Variants in POLD2 observed in about 807,000 individuals in gnomAD.
POLD2 encodes the protein DNA polymerase delta subunit 2.
POLD2 carries 31 observed loss-of-function variants against 48.8 expected under a neutral mutation model. The observed-to-expected ratio is 0.64, with a 90% CI of 0.48 to 0.86. POLD2 has a LOEUF of 0.86. Among genes scored for constraint, POLD2 ranks in the 40% least tolerant of loss-of-function variants. The pLI, the probability that POLD2 is intolerant of heterozygous loss-of-function variation, is 0.00. For synonymous variants in POLD2, 233 were observed against 256.3 expected, an observed-to-expected ratio of 0.91 and a Z score of 0.87; for missense variants, 455 against 610.1, an observed-to-expected ratio of 0.75 and a Z score of 2.68.
upstream of POLD2, chr7:44,123,575 A>ATCCCCGCGCGGCT: frequency 6.8e-7 from 1 of 1,464,854 alleles, no homozygotes. Context: ...CAACTCGCTA[A>ATCCCCGCGCGGCT]TCCCCGCGCG....
intron 9 of POLD2, 158 bp from the exon 10 acceptor site, chr7:44,115,554 T>C: frequency 1.4e-6 from 1 of 718,624 alleles, no homozygotes; most frequent in Non-Finnish European, 2.3e-6. Context: ...ACCTTGGCCC[T>C]GCTGTTGCTG....
At position 44,115,368 on chromosome 7, in the gene POLD2, C is replaced by A. The variant is rs143498663; in HGVS notation, c.1176G>T (p.Pro392=). ...LGCYPFYKTD[P]FIFPECPHVY... ...CATGCGGGCACTCTGGGAAGATGAA[C>A]GGGTCAGTTTTGTAGAAGGGGTAAC... Residue 392 remains proline (P), a synonymous_variant, in exon 10 of 11, where the codon CCG becomes CCT. Coordinates refer to ENST00000610533, the MANE Select transcript of POLD2 (RefSeq NM_006230.4). The A allele has an allele frequency of 1.9e-6, 3 of 1,613,740 alleles. No individual in the cohort carries two copies. The highest frequency in any genetic ancestry group is 8.5e-7 in the Non-Finnish European group (1 of 1,179,638).
intron 1 of POLD2, 156 bp downstream of exon 1, chr7:44,123,355 C>G (rs2096250900): frequency 7.2e-7 from 1 of 1,396,606 alleles, no homozygotes. Flanking sequence ...CGAGAGCGCC[C>G]TGGGGGCTGT....
intron 1 of POLD2, 65 bp downstream of exon 1, chr7:44,123,446 G>A (rs965870425): frequency 2.7e-6 from 4 of 1,492,232 alleles, no homozygotes; most frequent in Non-Finnish European, 3.5e-6. Flanking sequence ...ACCGACCCAG[G>A]AGCCCGGCCT....
At chr7:44,119,009 C>G (rs1335029636) in intron 2 of POLD2, among the ~76,000 whole-genome samples, 5 of 148,038 alleles carry the variant, frequency 3.4e-5, no homozygotes, top group African/African-American at 1.2e-4. Flanking sequence ...TTCTTCCACC[C>G]TACCCCCCAC....
Position 44,116,941 on chromosome 7 carries a change from A to G in POLD2, c.656T>C (p.Val219Ala). Residue 219 changes from valine to alanine, a missense_variant, in exon 6 of 11, where the codon GTG becomes GCG. By Grantham distance (64) the Val-to-Ala change is moderately conservative. Coordinates refer to ENST00000610533, the MANE Select transcript of POLD2 (RefSeq NM_006230.4). The surrounding 1 kb of genome is among the most constrained non-coding windows in gnomAD (Gnocchi z 6.1). ...CCCAAGCTGCCCCGTCACCACATCCACCAGCAGCTGGGTGCCCAGCAGGCT... is the reference window on the plus strand; with the variant it reads ...CCCAAGCTGCCCCGTCACCACATCCGCCAGCAGCTGGGTGCCCAGCAGGCT... Reference protein sequence around the residue: ...GESLLGTQLLVDVVTGQLGDE... With the variant: ...GESLLGTQLLADVVTGQLGDE... 1 of 1,613,792 alleles carries G rather than the reference A, an allele frequency of 6.2e-7. No individual in the cohort carries two copies. The highest frequency in any genetic ancestry group is 1.7e-4 in the Middle Eastern group (1 of 6,046).
Position 44,117,530 on chromosome 7 carries a change from C to T in POLD2, c.466+89G>A. On this transcript the variant is annotated intron_variant, in intron 4 of 10. Coordinates refer to ENST00000610533, the MANE Select transcript of POLD2 (RefSeq NM_006230.4). ...GTGCCCAGGCCACACCCCCCCACTC[C>T]CCCCAGGCTCCCCACTCACACCATC... 2.0e-6 allele frequency: 3 copies of T among 1,494,638 alleles called. No individual in the cohort carries two copies. The East Asian group carries it at 7.4e-5, about 37-fold the overall frequency. The allele number at this position is 1,494,638 out of a possible 1,614,324, so 92.6% of individuals were successfully genotyped here.
At position 44,116,878 on chromosome 7, in the gene POLD2, C is replaced by T. The variant is rs374534297; in HGVS notation, c.719G>A (p.Arg240Gln). The T allele has an allele frequency of 3.0e-5, 48 of 1,613,830 alleles. No individual in the cohort carries two copies. The highest frequency in any genetic ancestry group is 3.9e-5 in the Non-Finnish European group (46 of 1,179,994). ...GAGGAGGTTGCCAGCGAGGATAACCCGGGAGACGTGGGCGGCGCTGCACTG... is the reference window on the plus strand; with the variant it reads ...GAGGAGGTTGCCAGCGAGGATAACCTGGGAGACGTGGGCGGCGCTGCACTG... ...GEQCSAAHVS[R>Q]VILAGNLLSH... Residue 240 changes from arginine (R) to glutamine (Q), a missense_variant, in exon 6 of 11, where the codon CGG becomes CAG. Transcript: ENST00000610533. The surrounding 1 kb of genome is among the most constrained non-coding windows in gnomAD (Gnocchi z 6.1).
chr7:44,122,626 A>C (rs1298217704), intron 1 of POLD2, among the ~76,000 whole-genome samples: 1 of 152,222 alleles, frequency 6.6e-6, no homozygotes, highest in African/African-American at 2.4e-5. Context: ...TAAGGCCCCA[A>C]GTCCTTACAA....
intron 2 of POLD2, among the ~76,000 whole-genome samples, chr7:44,119,312 AC>A (rs1222987241): frequency 6.6e-6 from 1 of 152,168 alleles, no homozygotes; most frequent in Non-Finnish European, 1.5e-5. Flanking sequence ...CAAGGAGGTG[AC>A]AGGACAACGC....
chr7:44,123,512 G>A lies in POLD2; in HGVS notation c.-58C>T. 1.3e-6 allele frequency: 2 copies of A among 1,482,494 alleles called. No homozygotes were observed. Among genetic ancestry groups the A allele is most frequent in the Non-Finnish European group, 1.8e-6 (2 of 1,124,370 alleles). 91.8% of individuals were successfully genotyped at this position (1,482,494 alleles called of 1,614,324 possible). A position where few individuals can be genotyped will look rare whatever the true frequency, so the allele number is the denominator to read the frequency against. On this transcript the variant is annotated splice_region_variant and 5_prime_UTR_variant, in exon 1 of 11. Transcript: ENST00000610533. The stretch of plus-strand genomic sequence containing the variant: ...CCCGTTTCCCTGGACCCCACTCACC[G>A]CGCGGCGCGCCGCATCCCGCCAATC...
At chr7:44,123,413 G>A in intron 1 of POLD2, 98 bp downstream of exon 1, 1 of 1,457,434 alleles carries the variant, frequency 6.9e-7, no homozygotes. Flanking sequence ...GCAGCTGCGG[G>A]ACGTCCGCCA....
chr7:44,119,896 A>G (rs568379110), intron 2 of POLD2, among the ~76,000 whole-genome samples: 35 of 152,238 alleles, frequency 2.3e-4, no homozygotes, highest in Non-Finnish European at 4.4e-4. Context: ...CCCTCATTGC[A>G]AGGTGGCTTC....
At chr7:44,118,891 T>C (rs1428874835) in intron 2 of POLD2, among the ~76,000 whole-genome samples, 3 of 152,178 alleles carry the variant, frequency 2.0e-5, no homozygotes, top group Non-Finnish European at 4.4e-5. Flanking sequence ...TACAAAGTAC[T>C]GCTTCACTTA....
At position 44,121,684 on chromosome 7, in the gene POLD2, ATC is replaced by A; in HGVS notation, c.220+148_220+149del. 1 of 779,378 alleles carries A rather than the reference ATC, an allele frequency of 1.3e-6. No individual in the cohort carries two copies. Among genetic ancestry groups the A allele is most frequent in the Non-Finnish European group, 2.0e-6 (1 of 492,540 alleles). 48.3% of individuals were successfully genotyped at this position (779,378 alleles called of 1,614,324 possible). A position where few individuals can be genotyped will look rare whatever the true frequency, so the allele number is the denominator to read the frequency against. On this transcript the variant is annotated intron_variant, in intron 2 of 10. Transcript: ENST00000610533. The surrounding 1 kb of genome is among the most constrained non-coding windows in gnomAD (Gnocchi z 4.5). ...ATTACTTAATTTAATCCTTGTTACTATCTTAAGAAGAAACTGAGGGAAAAAGA... is the reference window on the plus strand; with the variant it reads ...ATTACTTAATTTAATCCTTGTTACTATTAAGAAGAAACTGAGGGAAAAAGA...
intron 4 of POLD2, 116 bp downstream of exon 4, chr7:44,117,503 G>A (rs1479691321): frequency 6.9e-6 from 9 of 1,298,888 alleles, no homozygotes; most frequent in African/African-American, 2.9e-5. Flanking sequence ...AAGAACACAC[G>A]TGTGCCCAGG....
chr7:44,115,407 A>G lies in POLD2; in HGVS notation c.1148-11T>C, dbSNP rs3217969. ...AGAAGGGGTAACAACCTGGAGGAGAAGGGGCAGCTCTGAGGAGGGTTCCGC... is the reference window on the plus strand; with the variant it reads ...AGAAGGGGTAACAACCTGGAGGAGAGGGGGCAGCTCTGAGGAGGGTTCCGC... On this transcript the variant is annotated splice_polypyrimidine_tract_variant and intron_variant, in intron 9 of 10. Coordinates refer to ENST00000610533, the MANE Select transcript of POLD2 (RefSeq NM_006230.4). The G allele has an allele frequency of 3.7e-3, 5,801 of 1,552,846 alleles. 168 individuals carry two copies. The African/African-American group carries it at 0.063, about 17-fold the overall frequency.
chr7:44,122,400 A>G (rs2128813036), intron 1 of POLD2: 19 of 1,135,172 alleles, frequency 1.7e-5, no homozygotes, highest in South Asian at 3.8e-5. Flanking sequence ...CAGGGTCTCA[A>G]TCAAGTTCAG....
chr7:44,120,413 TGAAAG>T (rs1480083992), intron 2 of POLD2, among the ~76,000 whole-genome samples: 1 of 152,110 alleles, frequency 6.6e-6, no homozygotes, highest in African/African-American at 2.4e-5. Context: ...TCCCGAGGGC[TGAAAG>T]GAAAGTGAGG....
Sources: gnomAD v4.1 joint callset for allele counts (sites outside exome capture counted in the v4.1 genomes callset) on GRCh38, gnomAD v4.1.1 for gene constraint, Gnocchi (gnomAD v3.1) non-coding constraint, MANE v1.5 for transcripts, NCBI Gene and HGNC (gene_info 2026-07-23, HGNC 2026-07-21) for gene names.